The following ATP8B1 variants were observed in gnomAD, a reference collection of about 807,000 sequenced individuals.
ATP8B1 encodes the protein ATPase phospholipid transporting 8B1.
ATP8B1 carries 80 observed loss-of-function variants against 149.9 expected under a neutral mutation model. That is an observed-to-expected ratio of 0.53 (90% CI 0.45 to 0.64). The LOEUF is 0.64. ATP8B1 is among the 30% of genes least tolerant of loss of function. The pLI is 0.00. For synonymous variants in ATP8B1, 536 were observed against 562.8 expected (o/e 0.95, Z 0.67); for missense variants, 1,247 against 1,552.6 (o/e 0.80, Z 3.31).
chr18:57,674,850 C>T lies in ATP8B1; in HGVS notation c.1803G>A (p.Lys601=), dbSNP rs777624576. 2.7e-5 allele frequency: 44 copies of T among 1,614,058 alleles called. No individual in the cohort carries two copies. The highest frequency in any genetic ancestry group is 3.6e-5 in the Non-Finnish European group (43 of 1,180,000). The change falls in exon 16 of 28, where the codon AAG becomes AAA. Residue 601 remains lysine (K), a synonymous_variant. Coordinates refer to ENST00000648908, the MANE Select transcript of ATP8B1 (RefSeq NM_001374385.1). ...GGGACTTACCAATGATAGACATTCG[C>T]TTCCGGTCACTGTTGAAGTCCAAAA... ...LAILDFNSDR[K]RMSIIVRTPE...
At chr18:57,801,639 T>C (rs1021268178) in intron 1 of ATP8B1, among the ~76,000 whole-genome samples, 3 of 152,294 alleles carry the variant, frequency 2.0e-5, no homozygotes, top group African/African-American at 7.2e-5. Context: ...GCGTGGTTTT[T>C]TTTAGCTTTT....
intron 15 of ATP8B1, among the ~76,000 whole-genome samples, chr18:57,682,007 ATT>A (rs200585995): frequency 0.32 from 46,738 of 143,946 alleles, 7,858 homozygotes; most frequent in East Asian, 0.65. Flanking sequence ...ACTTTGTGTT[ATT>A]TTTTTTTTTT....
In ATP8B1 at chr18:57,697,661, C is replaced by G; in HGVS notation, c.655G>C (p.Glu219Gln). ...TCCACATAGCAGAGGCTGTTAGGCT[C>G]AGAGCTAGACAGCAGGAGAATGTCA... The part of the protein sequence containing the change: ...PADILLLSSS[E>Q]PNSLCYVETA... The change falls in exon 8 of 28, where the codon GAG (glutamate) becomes CAG (glutamine). Residue 219 changes from glutamate (E) to glutamine (Q), a missense_variant. Transcript: ENST00000648908. 1.2e-6 allele frequency: 2 copies of G among 1,613,966 alleles called. No individual in the cohort carries two copies. The highest frequency in any genetic ancestry group is 1.7e-6 in the Non-Finnish European group (2 of 1,180,008).
chr18:57,680,402 A>G (rs1346477663), intron 15 of ATP8B1, among the ~76,000 whole-genome samples: 1 of 149,832 alleles, frequency 6.7e-6, no homozygotes, highest in African/African-American at 2.5e-5. Flanking sequence ...CCTGACCAAC[A>G]TGGAGAAACC....
At chr18:57,679,733 C>T (rs548955519) in intron 15 of ATP8B1, among the ~76,000 whole-genome samples, 22 of 152,228 alleles carry the variant, frequency 1.4e-4, no homozygotes, top group African/African-American at 4.1e-4. Flanking sequence ...GGCAAAATCT[C>T]GGCTCACAGC....
chr18:57,777,482 C>A (rs2080315388), intron 1 of ATP8B1, among the ~76,000 whole-genome samples: 2 of 152,102 alleles, frequency 1.3e-5, no homozygotes, highest in Admixed American at 6.5e-5. Context: ...AAAAGATAAC[C>A]AATAAACTGG....
Position 57,784,271 on chromosome 18 carries a change from G to T in ATP8B1, c.-26+18727C>A, listed in dbSNP as rs1404081743. ...TGGGCATAGAGAGCTGTGGAGAGAA[G>T]GTAGCTGTTGTTAAAACCACAGCAT... On this transcript the variant is annotated intron_variant, in intron 1 of 27. Coordinates refer to ENST00000648908, the MANE Select transcript of ATP8B1 (RefSeq NM_001374385.1). This position sits in a 1 kb window ranked among gnomAD's most constrained non-coding sequence, Gnocchi z 4.4. Among the ~76,000 whole-genome samples, 1 of 152,174 alleles carries T rather than the reference G, an allele frequency of 6.6e-6. No homozygotes were observed. Among genetic ancestry groups the T allele is most frequent in the African/African-American group, 2.4e-5 (1 of 41,452 alleles).
chr18:57,782,642 C>T (rs911107699), intron 1 of ATP8B1, among the ~76,000 whole-genome samples: 2 of 152,100 alleles, frequency 1.3e-5, no homozygotes, highest in Non-Finnish European at 2.9e-5. Flanking sequence ...CGCACACACA[C>T]AGACAAAAAA....
intron 1 of ATP8B1, among the ~76,000 whole-genome samples, chr18:57,776,539 A>G (rs920885337): frequency 3.3e-5 from 5 of 152,166 alleles, no homozygotes; most frequent in Admixed American, 2.0e-4. Context: ...AACCACAGTC[A>G]CCCAGATCTG....
At chr18:57,731,126 TACACACACAAAC>T (rs1382143884) in intron 2 of ATP8B1, among the ~76,000 whole-genome samples, 30 of 151,888 alleles carry the variant, frequency 2.0e-4, no homozygotes, top group African/African-American at 5.3e-4. Context: ...AAATACCATC[TACACACACAAAC>T]ACACACACAA....
intron 1 of ATP8B1, among the ~76,000 whole-genome samples, chr18:57,791,515 T>G (rs1222469079): frequency 6.6e-6 from 1 of 152,014 alleles, no homozygotes; most frequent in Non-Finnish European, 1.5e-5. Context: ...TGCACCTTTT[T>G]GTATTTTTAG....
At chr18:57,649,192 A>ATCTATCTATCTATCTATCTG (rs1286428445) in intron 27 of ATP8B1, among the ~76,000 whole-genome samples, 3 of 150,006 alleles carry the variant, frequency 2.0e-5, no homozygotes, top group African/African-American at 5.0e-5. Context: ...GCTTGGCTAT[A>ATCTATCTATCTATCTATCTG]TCTATCTATC....
chr18:57,728,795 C>T lies in ATP8B1; in HGVS notation c.181+2832G>A, dbSNP rs1411582061. ...CGTGTAGTGGTGGGATCTTGGTTCA[C>T]TGCAACCTCCATTTCCCAGGTTCAA... On this transcript the variant is annotated intron_variant, in intron 2 of 27. Coordinates refer to ENST00000648908, the MANE Select transcript of ATP8B1 (RefSeq NM_001374385.1). Among the ~76,000 whole-genome samples, 4 of 149,610 alleles carry T rather than the reference C, an allele frequency of 2.7e-5. No homozygotes were observed. In the South Asian group the frequency reaches 6.3e-4, roughly 24 times the overall value.
intron 1 of ATP8B1, among the ~76,000 whole-genome samples, chr18:57,756,358 T>C (rs2080084078): frequency 1.3e-5 from 2 of 148,970 alleles, no homozygotes; most frequent in Admixed American, 6.7e-5. Context: ...TGGAGTGCAG[T>C]GGCATGGTCT....
rs563949637 is a variant in ATP8B1 at position 57,647,039 on chromosome 18, C to T, written c.*1449G>A. Reference sequence around the variant, plus strand: ...TCTTAGGAATGTGGCTGCCAATAACCTTTTCTCTCGACATAAGACAAGTGA... The same window carrying T: ...TCTTAGGAATGTGGCTGCCAATAACTTTTTCTCTCGACATAAGACAAGTGA... On this transcript the variant is annotated 3_prime_UTR_variant, in exon 28 of 28. Transcript: ENST00000648908. 4 of 152,264 alleles carry T rather than the reference C, an allele frequency of 2.6e-5. No individual in the cohort carries two copies. Among genetic ancestry groups the T allele is most frequent in the African/African-American group, 9.6e-5 (4 of 41,572 alleles). 9.4% of individuals were successfully genotyped at this position (152,264 alleles called of 1,614,324 possible).
At chr18:57,763,355 G>A (rs944995379) in intron 1 of ATP8B1, among the ~76,000 whole-genome samples, 2 of 151,644 alleles carry the variant, frequency 1.3e-5, no homozygotes, top group African/African-American at 4.8e-5. Context: ...TCGTGCCACA[G>A]CACTCCAGCC....
intron 16 of ATP8B1, among the ~76,000 whole-genome samples, chr18:57,672,884 AAG>A (rs1364325424): frequency 2.4e-4 from 10 of 41,818 alleles, no homozygotes; most frequent in East Asian, 9.4e-4. Context: ...AAAAAAAAAA[AAG>A]TATATATATA....
intron 1 of ATP8B1, among the ~76,000 whole-genome samples, chr18:57,771,667 A>C (rs903975812): frequency 2.0e-5 from 3 of 152,168 alleles, no homozygotes; most frequent in Middle Eastern, 3.2e-3. Flanking sequence ...CCTCAGGTCT[A>C]AATTTTACTG....
intron 2 of ATP8B1, among the ~76,000 whole-genome samples, chr18:57,727,415 T>C (rs532817352): frequency 1.3e-5 from 2 of 152,350 alleles, no homozygotes; most frequent in Admixed American, 1.3e-4. Flanking sequence ...GCCATCTTTA[T>C]CTGTGTTTTG....
Sources: gnomAD v4.1 joint callset for allele counts (sites outside exome capture counted in the v4.1 genomes callset) on GRCh38, gnomAD v4.1.1 for gene constraint, Gnocchi (gnomAD v3.1) non-coding constraint, MANE v1.5 for transcripts, NCBI Gene and HGNC (gene_info 2026-07-23, HGNC 2026-07-21) for gene names.